Variants in GPR180 observed in about 807,000 individuals in gnomAD.
GPR180 encodes the protein integral membrane protein GPR180.
GPR180 carries 53 observed loss-of-function variants against 52.6 expected under a neutral mutation model. The observed-to-expected ratio is 1.01, with a 90% confidence interval of 0.81 to 1.27. The LOEUF is 1.27. GPR180 is among the 50% of genes most tolerant of loss of function. The pLI is 0.00. For synonymous variants in GPR180, 200 were observed against 193.1 expected (o/e 1.04, Z -0.30); for missense variants, 533 against 527.0 (o/e 1.01, Z -0.11).
At chr13:94,608,176 G>A (rs1025103114) in intron 2 of GPR180, among the ~76,000 whole-genome samples, 1 of 152,160 alleles carries the variant, frequency 6.6e-6, no homozygotes, top group Non-Finnish European at 1.5e-5. Flanking sequence ...ATAAAACTGA[G>A]TATCACTGCT....
At chr13:94,605,625 A>T in intron 2 of GPR180, 76 bp downstream of exon 2, 1 of 1,204,300 alleles carries the variant, frequency 8.3e-7, no homozygotes, top group Non-Finnish European at 1.2e-6. Context: ...TACCATATGT[A>T]CATATGTTAT....
intron 1 of GPR180, among the ~76,000 whole-genome samples, chr13:94,604,976 G>T (rs1361244870): frequency 6.6e-6 from 1 of 152,010 alleles, no homozygotes; most frequent in African/African-American, 2.4e-5. Context: ...TATTAGCTAT[G>T]TTTATTTTTT....
chr13:94,625,540 C>G (rs1170213256), intron 7 of GPR180, among the ~76,000 whole-genome samples: 2 of 152,158 alleles, frequency 1.3e-5, no homozygotes, highest in Non-Finnish European at 1.5e-5. Context: ...CTCCTCTGTT[C>G]TAACCCTCAA....
chr13:94,609,042 T>G (rs1889669598), intron 2 of GPR180, among the ~76,000 whole-genome samples: 1 of 152,206 alleles, frequency 6.6e-6, no homozygotes, highest in Non-Finnish European at 1.5e-5. Flanking sequence ...ATCTAAAACT[T>G]AACGAGGAGA....
At position 94,631,260 on chromosome 13, in the gene GPR180, A is replaced by C. The variant is rs1047022193; in HGVS notation, c.*4089A>C. ...CTCACAAGTTCCACTCAGTTCCCAC[A>C]GGTTCTACTCATCCTAGCAAGTTCC... is the stretch of plus-strand genomic sequence containing the variant. On this transcript the variant is annotated 3_prime_UTR_variant, in exon 9 of 9. Coordinates refer to ENST00000376958, the MANE Select transcript of GPR180 (RefSeq NM_180989.6). The C allele has an allele frequency of 2.0e-5, 3 of 152,212 alleles. No homozygotes were observed. The highest frequency in any genetic ancestry group is 4.4e-5 in the Non-Finnish European group (3 of 68,078). The allele number at this position is 152,212 out of a possible 1,614,324, so 9.4% of individuals were successfully genotyped here.
chr13:94,615,825 C>T (rs1362152995), intron 3 of GPR180, among the ~76,000 whole-genome samples: 2 of 152,140 alleles, frequency 1.3e-5, no homozygotes, highest in African/African-American at 4.8e-5. Flanking sequence ...AGTGTTATCC[C>T]TTTTTTCCTC....
intron 3 of GPR180, among the ~76,000 whole-genome samples, chr13:94,618,090 G>T (rs114128962): frequency 6.6e-6 from 1 of 152,142 alleles, no homozygotes; most frequent in African/African-American, 2.4e-5. Flanking sequence ...CTAATGACTG[G>T]TTCCATTTTT....
chr13:94,625,231 T>C (rs1255913633), intron 7 of GPR180, among the ~76,000 whole-genome samples: 1 of 152,220 alleles, frequency 6.6e-6, no homozygotes, highest in Non-Finnish European at 1.5e-5. Flanking sequence ...AAAGTTATTC[T>C]CACCTCCTCA....
At chr13:94,608,044 G>A (rs1889656934) in intron 2 of GPR180, among the ~76,000 whole-genome samples, 1 of 152,128 alleles carries the variant, frequency 6.6e-6, no homozygotes, top group Admixed American at 6.5e-5. Context: ...TTGTTCTCTT[G>A]TATCACATAG....
At position 94,634,476 on chromosome 13, in the gene GPR180, G is replaced by A. The variant is rs1890039341; in HGVS notation, c.*7305G>A. ...CACCTTTTAAAGACTTCTTTATATA[G>A]CTCTTGTACATTTCTTGATATGAAT... On this transcript the variant is annotated 3_prime_UTR_variant, in exon 9 of 9. Coordinates refer to ENST00000376958, the MANE Select transcript of GPR180 (RefSeq NM_180989.6). 6.6e-6 allele frequency: 1 copy of A among 151,880 alleles called. No homozygotes were observed. Among genetic ancestry groups the A allele is most frequent in the Non-Finnish European group, 1.5e-5 (1 of 67,966 alleles). 9.4% of individuals were successfully genotyped at this position (151,880 alleles called of 1,614,324 possible). A position where few individuals can be genotyped will look rare whatever the true frequency, so the allele number is the denominator to read the frequency against.
At position 94,633,451 on chromosome 13, in the gene GPR180, T is replaced by C. The variant is rs1890026395; in HGVS notation, c.*6280T>C. On this transcript the variant is annotated 3_prime_UTR_variant, in exon 9 of 9. Transcript: ENST00000376958. ...TATCAATCTGATAAATAACTTTTAT[T>C]CATTATAGTTTTAATTTGCATTTCT... 1 of 152,204 alleles carries C rather than the reference T, an allele frequency of 6.6e-6. No individual in the cohort carries two copies. The highest frequency in any genetic ancestry group is 1.5e-5 in the Non-Finnish European group (1 of 68,020). The allele number at this position is 152,204 out of a possible 1,614,324, so 9.4% of individuals were successfully genotyped here.
At chr13:94,619,699 T>C (rs1327715761) in intron 5 of GPR180, among the ~76,000 whole-genome samples, 182 bp downstream of exon 5, 2 of 152,172 alleles carry the variant, frequency 1.3e-5, no homozygotes, top group African/African-American at 4.8e-5. Context: ...ATAGGTAATG[T>C]GTACAGCTCC....
rs138194098 is a variant in GPR180 at position 94,623,263 on chromosome 13, G to A, written c.1049G>A (p.Ser350Asn). ...GLYQIITVERSTLKREFYITF... is the reference protein window; with the variant it reads ...GLYQIITVERNTLKREFYITF... ...TATCAGATCATCACAGTGGAGAGAAGTACACTCAAAAGGGAGTTCTACATC... is the reference window on the plus strand; with the variant it reads ...TATCAGATCATCACAGTGGAGAGAAATACACTCAAAAGGGAGTTCTACATC... The change falls in exon 7 of 9, where the codon AGT (serine) becomes AAT (asparagine). Residue 350 changes from serine to asparagine, a missense_variant. Coordinates refer to ENST00000376958, the MANE Select transcript of GPR180 (RefSeq NM_180989.6). The A allele has an allele frequency of 5.1e-4, 829 of 1,613,658 alleles. 13 individuals are homozygous for A. In the Admixed American group the frequency reaches 0.013, roughly 26 times the overall value.
chr13:94,612,213 A>C lies in GPR180; in HGVS notation c.328A>C (p.Asn110His), dbSNP rs766114983. The C allele has an allele frequency of 6.2e-7, 1 of 1,614,130 alleles. No individual in the cohort carries two copies. Among genetic ancestry groups the C allele is most frequent in the Admixed American group, 1.7e-5 (1 of 60,018 alleles). The change falls in exon 3 of 9, where the codon AAT becomes CAT. Residue 110 changes from asparagine (N) to histidine (H), a missense_variant. Physicochemically the swap from Asn to His is moderately conservative, Grantham distance 68. Coordinates refer to ENST00000376958, the MANE Select transcript of GPR180 (RefSeq NM_180989.6). The part of the protein sequence containing the change: ...LTMTMNQTEH[N>H]LTVSQIPSPQ... ...AGTGACCATGAACCAGACCGAACAT[A>C]ATCTGACAGTGTCCCAGATTCCGTC...
chr13:94,619,455 TTCAATTCC>T lies in GPR180; in HGVS notation c.687-9_687-2del, dbSNP rs746870430. 6.2e-7 allele frequency: 1 copy of T among 1,611,426 alleles called. No individual in the cohort carries two copies. The highest frequency in any genetic ancestry group is 1.3e-5 in the African/African-American group (1 of 74,988). On this transcript the variant is annotated splice_region_variant and splice_polypyrimidine_tract_variant and intron_variant, in intron 4 of 8. Transcript: ENST00000376958. ...ACATTTGTAATTTACACTACTCTTC[TTCAATTCC>T]TCAGTTACTCCAAAGATGGAATAGG...
chr13:94,624,029 G>A (rs1889890945), intron 7 of GPR180, among the ~76,000 whole-genome samples: 1 of 152,204 alleles, frequency 6.6e-6, no homozygotes, highest in Admixed American at 6.5e-5. Flanking sequence ...ATAAGCAGCT[G>A]GAGCCAGGAG....
In GPR180 at chr13:94,607,583, T is replaced by TA. The variant is rs1889651139; in HGVS notation, c.304+2035dup. 2.0e-5 allele frequency among the ~76,000 whole-genome samples: 3 copies of TA among 152,216 alleles called. No individual in the cohort carries two copies. The South Asian group carries it at 6.2e-4, about 32-fold the overall frequency. On this transcript the variant is annotated intron_variant, in intron 2 of 8. Coordinates refer to ENST00000376958, the MANE Select transcript of GPR180 (RefSeq NM_180989.6). Reference sequence around the variant, plus strand: ...GCCTCTTGCTTTCCTGCATAGCACTTACTATAGTTACCACTTTACATTTTA... The same window carrying TA: ...GCCTCTTGCTTTCCTGCATAGCACTTAACTATAGTTACCACTTTACATTTTA...
chr13:94,611,652 A>G (rs1889706798), intron 2 of GPR180, among the ~76,000 whole-genome samples: 1 of 151,990 alleles, frequency 6.6e-6, no homozygotes, highest in African/African-American at 2.4e-5. Context: ...CATCATTGGT[A>G]GCCTAGCTGT....
At chr13:94,618,786 A>G (rs552937018) in intron 3 of GPR180, among the ~76,000 whole-genome samples, 1 of 152,266 alleles carries the variant, frequency 6.6e-6, no homozygotes, top group Non-Finnish European at 1.5e-5. Flanking sequence ...AACTTTTTAC[A>G]AAAGAAATTC....
Sources: allele counts gnomAD v4.1 joint callset (sites outside exome capture counted in the v4.1 genomes callset), GRCh38; gene constraint gnomAD v4.1.1; transcripts MANE v1.5; gene names NCBI Gene and HGNC (gene_info 2026-07-23, HGNC 2026-07-21).